NEXN: variants seen among roughly 807,000 people sequenced by gnomAD.
NEXN encodes nexilin.
In NEXN, 65 loss-of-function variants were observed where a neutral mutation model predicts 92.6. The ratio of observed to expected loss-of-function variants is 0.70; its 90% CI spans 0.57 to 0.86. The LOEUF is 0.86. NEXN is among the 40% of genes least tolerant of loss of function. The pLI, the probability that NEXN is intolerant of heterozygous loss-of-function variation, is 0.00. For missense variants in NEXN, 778 were observed against 771.1 expected (o/e 1.01, Z -0.11); for synonymous variants, 254 against 242.5 (o/e 1.05, Z -0.44).
chr1:77,916,060 A>C lies in NEXN; in HGVS notation c.-47A>C. Reference sequence around the variant, plus strand: ...ACAATATAAATTTTTTTCAGGTGCAAATATATACAGAGCTTCATAATCAGC... The same window carrying C: ...ACAATATAAATTTTTTTCAGGTGCACATATATACAGAGCTTCATAATCAGC... On this transcript the variant is annotated 5_prime_UTR_variant, in exon 2 of 13. Coordinates refer to ENST00000334785, the MANE Select transcript of NEXN (RefSeq NM_144573.4). 1.4e-6 allele frequency: 2 copies of C among 1,420,796 alleles called. No individual in the cohort carries two copies. Among genetic ancestry groups the C allele is most frequent in the Non-Finnish European group, 1.9e-6 (2 of 1,062,958 alleles). The allele number at this position is 1,420,796 out of a possible 1,614,324, so 88.0% of individuals were successfully genotyped here. A position where few individuals can be genotyped will look rare whatever the true frequency, so the allele number is the denominator to read the frequency against.
In NEXN at chr1:77,942,102, A is replaced by T. The variant is rs763106647; in HGVS notation, c.1553A>T (p.Glu518Val). 1 of 1,613,806 alleles carries T rather than the reference A, an allele frequency of 6.2e-7. No homozygotes were observed. Residue 518 changes from glutamate (E) to valine (V), a missense_variant, in exon 12 of 13, where the codon GAA becomes GTA. Transcript: ENST00000334785. ...THKVNMKARF[E>V]QMAKAREEEE... ...AAAGTGAATATGAAAGCTAGATTTG[A>T]ACAAATGGCTAAGGCAAGAGAAGAA... is the stretch of plus-strand genomic sequence containing the variant.
At chr1:77,935,225 A>AG (rs1248239173) in intron 10 of NEXN, among the ~76,000 whole-genome samples, 1 of 152,172 alleles carries the variant, frequency 6.6e-6, no homozygotes, top group Admixed American at 6.5e-5. Context: ...TTTAGTAGAA[A>AG]GGGGGTTTCA....
At chr1:77,906,969 G>T (rs546479226) in intron 1 of NEXN, among the ~76,000 whole-genome samples, 25 of 152,278 alleles carry the variant, frequency 1.6e-4, no homozygotes, top group Middle Eastern at 3.4e-3. Context: ...TGGAGAGAAG[G>T]TTTGATAATA....
At chr1:77,923,440 CTT>C (rs985176833) in intron 5 of NEXN, among the ~76,000 whole-genome samples, 1 of 152,066 alleles carries the variant, frequency 6.6e-6, no homozygotes, top group African/African-American at 2.4e-5. Flanking sequence ...TTAATGAACT[CTT>C]TAACCACTCT....
rs568678601 is a variant in NEXN, at chr1:77,942,983, C to T, written c.*154C>T. ...CTTACTACATCCATCTTTTCTGTGG[C>T]GGGGCCAAAAAAGGAAACCAGGAGT... On this transcript the variant is annotated 3_prime_UTR_variant, in exon 13 of 13. Coordinates refer to ENST00000334785, the MANE Select transcript of NEXN (RefSeq NM_144573.4). 199 of 1,111,014 alleles carry T rather than the reference C, an allele frequency of 1.8e-4. 1 individual carries two copies. Among genetic ancestry groups the T allele is most frequent in the Non-Finnish European group, 1.1e-4 (82 of 761,586 alleles). The allele number at this position is 1,111,014 out of a possible 1,614,324, so 68.8% of individuals were successfully genotyped here.
At chr1:77,937,153 A>G (rs1179027196) in intron 11 of NEXN, among the ~76,000 whole-genome samples, 2 of 151,892 alleles carry the variant, frequency 1.3e-5, no homozygotes, top group Non-Finnish European at 2.9e-5. Flanking sequence ...AAAAAATACA[A>G]ATTATCCGAG....
chr1:77,943,053 G>A lies in NEXN; in HGVS notation c.*224G>A, dbSNP rs1292409339. The A allele has an allele frequency of 3.6e-6, 2 of 558,528 alleles. No individual in the cohort carries two copies. The highest frequency in any genetic ancestry group is 3.8e-5 in the East Asian group (1 of 26,046). The allele number at this position is 558,528 out of a possible 1,614,324, so 34.6% of individuals were successfully genotyped here. A position where few individuals can be genotyped will look rare whatever the true frequency, so the allele number is the denominator to read the frequency against. The stretch of plus-strand genomic sequence containing the variant: ...ATTCCTTTTCATAACAGTCTTCAAA[G>A]CACAGCTCATCTAAAGAATGCCTAC... On this transcript the variant is annotated 3_prime_UTR_variant, in exon 13 of 13. Coordinates refer to ENST00000334785, the MANE Select transcript of NEXN (RefSeq NM_144573.4).
chr1:77,902,448 T>G lies in NEXN; in HGVS notation c.-52-13607T>G, dbSNP rs577286899. Among the ~76,000 whole-genome samples the G allele has an allele frequency of 4.9e-4, 46 of 93,742 alleles. 1 individual carries two copies. In the South Asian group the frequency reaches 0.017, roughly 34 times the overall value. 61.5% of individuals were successfully genotyped at this position (93,742 alleles called of 152,430 possible). ...GAGAATAAAAGGCAAGAATTATAGG[T>G]TTTGATTCTGTTCATATTCTGAGAG... On this transcript the variant is annotated intron_variant, in intron 1 of 12. Coordinates refer to ENST00000334785, the MANE Select transcript of NEXN (RefSeq NM_144573.4).
chr1:77,897,108 G>T (rs1647301661), intron 1 of NEXN, among the ~76,000 whole-genome samples: 1 of 152,174 alleles, frequency 6.6e-6, no homozygotes, highest in African/African-American at 2.4e-5. Flanking sequence ...CATTCCTTCT[G>T]AAACTATTCC....
intron 11 of NEXN, among the ~76,000 whole-genome samples, chr1:77,938,289 TG>T (rs1195283389): frequency 6.6e-6 from 1 of 152,204 alleles, no homozygotes; most frequent in Non-Finnish European, 1.5e-5. Flanking sequence ...TACAAAATGT[TG>T]AACATTTTTA....
rs1651513194 is a variant in NEXN at position 77,942,878 on chromosome 1, CTTTTCTTCTTCTCTT to C, written c.*54_*68del. 6.5e-7 allele frequency: 1 copy of C among 1,539,106 alleles called. No homozygotes were observed. Among genetic ancestry groups the C allele is most frequent in the Non-Finnish European group, 8.8e-7 (1 of 1,134,458 alleles). ...ATTAATTTTTTTTTCCTTAAAATCACTTTTCTTCTTCTCTTTTTTAGCTGATGACTACTAGCTCCC... is the reference window on the plus strand; with the variant it reads ...ATTAATTTTTTTTTCCTTAAAATCACTTTTAGCTGATGACTACTAGCTCCC... On this transcript the variant is annotated 3_prime_UTR_variant, in exon 13 of 13. Coordinates refer to ENST00000334785, the MANE Select transcript of NEXN (RefSeq NM_144573.4).
At chr1:77,932,786 CTTTTA>C (rs1005205569) in intron 9 of NEXN, among the ~76,000 whole-genome samples, 12 of 152,208 alleles carry the variant, frequency 7.9e-5, no homozygotes, top group African/African-American at 2.7e-4. Context: ...TAATTCTTCC[CTTTTA>C]TTTATTTATT....
chr1:77,903,991 GT>G (rs1276971370), intron 1 of NEXN, among the ~76,000 whole-genome samples: 1 of 151,932 alleles, frequency 6.6e-6, no homozygotes, highest in Non-Finnish European at 1.5e-5. Flanking sequence ...GAAATTTTTA[GT>G]TTTTATTTTT....
chr1:77,922,033 T>TG (rs1649463009), intron 5 of NEXN, among the ~76,000 whole-genome samples: 1 of 149,236 alleles, frequency 6.7e-6, no homozygotes, highest in Admixed American at 6.7e-5. Context: ...CTCCCAAAGT[T>TG]GGGGGAATAC....
At chr1:77,907,228 C>T (rs897504068) in intron 1 of NEXN, among the ~76,000 whole-genome samples, 1 of 152,180 alleles carries the variant, frequency 6.6e-6, no homozygotes, top group Non-Finnish European at 1.5e-5. Context: ...CAAATTCACA[C>T]CTTTATCCTT....
At position 77,943,012 on chromosome 1, in the gene NEXN, A is replaced by C; in HGVS notation, c.*183A>C. 2 of 712,078 alleles carry C rather than the reference A, an allele frequency of 2.8e-6. No individual in the cohort carries two copies. Among genetic ancestry groups the C allele is most frequent in the Non-Finnish European group, 4.9e-6 (2 of 405,986 alleles). 44.1% of individuals were successfully genotyped at this position (712,078 alleles called of 1,614,324 possible). ...GCCAAAAAAGGAAACCAGGAGTGCCACTATGCTGACTTCTTATTCCTTTTC... is the reference window on the plus strand; with the variant it reads ...GCCAAAAAAGGAAACCAGGAGTGCCCCTATGCTGACTTCTTATTCCTTTTC... On this transcript the variant is annotated 3_prime_UTR_variant, in exon 13 of 13. Coordinates refer to ENST00000334785, the MANE Select transcript of NEXN (RefSeq NM_144573.4).
At chr1:77,905,128 G>A (rs1033887488) in intron 1 of NEXN, among the ~76,000 whole-genome samples, 1 of 152,102 alleles carries the variant, frequency 6.6e-6, no homozygotes, top group African/African-American at 2.4e-5. Flanking sequence ...TGGGTGTGGT[G>A]GTGCGTGCTT....
chr1:77,903,827 AG>A (rs1198816997), intron 1 of NEXN, among the ~76,000 whole-genome samples: 2 of 152,076 alleles, frequency 1.3e-5, no homozygotes, highest in African/African-American at 4.8e-5. Flanking sequence ...CAGGAGGCTG[AG>A]GTGGGAGGAT....
intron 9 of NEXN, among the ~76,000 whole-genome samples, chr1:77,931,090 T>G (rs927196634): frequency 2.6e-5 from 4 of 152,056 alleles, no homozygotes; most frequent in African/African-American, 9.7e-5. Flanking sequence ...TAAGCAGGTT[T>G]AGAAGCGGTA....
Sources: gnomAD v4.1 joint callset for allele counts (sites outside exome capture counted in the v4.1 genomes callset) on GRCh38, gnomAD v4.1.1 for gene constraint, MANE v1.5 for transcripts, NCBI Gene and HGNC (gene_info 2026-07-23, HGNC 2026-07-21) for gene names.